RPS26: variants seen among roughly 807,000 people sequenced by gnomAD.
The protein encoded by RPS26 is small ribosomal subunit protein eS26.
Under a neutral mutation model 14.7 loss-of-function variants are expected in RPS26, and 1 was observed. The ratio of observed to expected loss-of-function variants is 0.07; its 90% CI spans 0.02 to 0.32. The LOEUF is 0.32. Among genes scored for constraint, RPS26 ranks in the 10% least tolerant of loss-of-function variants. RPS26 has a pLI of 1.00. For synonymous variants in RPS26, 59 were observed against 53.1 expected (o/e 1.11, Z -0.48); for missense variants, 63 against 157.7 (o/e 0.40, Z 3.22).
intron 3 of RPS26, 150 bp from the exon 4 acceptor site, chr12:56,043,969 A>G (rs536779283): frequency 6.3e-6 from 5 of 794,718 alleles, no homozygotes; most frequent in Non-Finnish European, 6.9e-6. Context: ...TAGGATGCAG[A>G]GTAGTGTTCT....
intron 3 of RPS26, 38 bp downstream of exon 3, chr12:56,043,531 G>A (rs1272800850): frequency 6.2e-7 from 1 of 1,612,334 alleles, no homozygotes; most frequent in African/African-American, 1.3e-5. Context: ...CCAGGGGAGT[G>A]ATGGTTAAAA....
chr12:56,043,472 C>T lies in RPS26; in HGVS notation c.291C>T (p.Pro97=), dbSNP rs766621663. The change falls in exon 3 of 4, where the codon CCC becomes CCT. Residue 97 remains proline (P), a synonymous_variant. Transcript: ENST00000646449. ...RSREARKDRT[P]PPRFRPAGAA... ...GTGAAGCCCGCAAGGACCGAACACCCCCACCCCGATTTAGACCTGCGGTGA... is the reference window on the plus strand; with the variant it reads ...GTGAAGCCCGCAAGGACCGAACACCTCCACCCCGATTTAGACCTGCGGTGA... 6.2e-6 allele frequency: 10 copies of T among 1,613,574 alleles called. No homozygotes were observed. The highest frequency in any genetic ancestry group is 4.4e-5 in the South Asian group (4 of 91,056).
At position 56,042,038 on chromosome 12, in the gene RPS26, T is replaced by G; in HGVS notation, c.-129T>G. On this transcript the variant is annotated 5_prime_UTR_variant, in exon 1 of 4. Coordinates refer to ENST00000646449, the MANE Select transcript of RPS26 (RefSeq NM_001029.5). ...GAAATGCTGAATGTAAAGGAATATT[T>G]GAGTAAAGTGAGTTGCCGTTCTTGA... is the stretch of plus-strand genomic sequence containing the variant. The G allele has an allele frequency of 1.1e-6, 1 of 915,004 alleles. No individual in the cohort carries two copies. Among genetic ancestry groups the G allele is most frequent in the South Asian group, 1.3e-5 (1 of 74,900 alleles). The allele number at this position is 915,004 out of a possible 1,614,324, so 56.7% of individuals were successfully genotyped here.
intron 3 of RPS26, 59 bp downstream of exon 3, chr12:56,043,552 G>A: frequency 6.3e-7 from 1 of 1,579,616 alleles, no homozygotes; most frequent in Non-Finnish European, 8.7e-7. Context: ...TTTCATCCTG[G>A]AGGGTCAGGG....
At position 56,042,103 on chromosome 12, in the gene RPS26, A is replaced by G; in HGVS notation, c.-64A>G. 1.4e-5 allele frequency: 21 copies of G among 1,544,270 alleles called. No homozygotes were observed. Among genetic ancestry groups the G allele is most frequent in the Non-Finnish European group, 1.8e-5 (20 of 1,116,164 alleles). On this transcript the variant is annotated 5_prime_UTR_variant, in exon 1 of 4. Coordinates refer to ENST00000646449, the MANE Select transcript of RPS26 (RefSeq NM_001029.5). Reference sequence around the variant, plus strand: ...GGATTCTCCCGGTGTCCGCGTAGGGATCTCATGCTATATAGGAGGGCCCTG... The same window carrying G: ...GGATTCTCCCGGTGTCCGCGTAGGGGTCTCATGCTATATAGGAGGGCCCTG...
intron 2 of RPS26, 64 bp from the exon 3 acceptor site, chr12:56,043,299 T>C: frequency 6.8e-7 from 1 of 1,470,730 alleles, no homozygotes; most frequent in Non-Finnish European, 9.5e-7. Flanking sequence ...GTGCTCTTCA[T>C]TCATGTAACA....
At chr12:56,042,287 G>T in intron 1 of RPS26, 118 bp downstream of exon 1, 1 of 1,524,702 alleles carries the variant, frequency 6.6e-7, no homozygotes, top group Non-Finnish European at 9.1e-7. Context: ...TTTGCTCTGG[G>T]GGTCGGCGGG....
At position 56,042,523 on chromosome 12, in the gene RPS26, G is replaced by A; in HGVS notation, c.102G>A (p.Lys34=). Residue 34 remains lysine, a synonymous_variant, in exon 2 of 4, where the codon AAG becomes AAA. Coordinates refer to ENST00000646449, the MANE Select transcript of RPS26 (RefSeq NM_001029.5). ...TNCARCVPKD[K]AIKKFVIRNI... is the part of the protein sequence containing the mutation. ...GTGCCCGATGCGTGCCCAAGGACAA[G>A]GCCATTAAGAAATTCGTCATTCGAA... 6.2e-7 allele frequency: 1 copy of A among 1,602,446 alleles called. No homozygotes were observed.
chr12:56,043,304 G>T, intron 2 of RPS26, 59 bp from the exon 3 acceptor site: 2 of 1,519,406 alleles, frequency 1.3e-6, no homozygotes, highest in Non-Finnish European at 9.1e-7. Context: ...CTTCATTCAT[G>T]TAACAAAAAA....
rs1593023851 is a variant in RPS26 at position 56,043,548 on chromosome 12, C to T, written c.312+55C>T. The T allele has an allele frequency of 4.4e-6, 7 of 1,594,110 alleles. No homozygotes were observed. The South Asian group carries it at 7.7e-5, about 18-fold the overall frequency. On this transcript the variant is annotated intron_variant, in intron 3 of 3. Coordinates refer to ENST00000646449, the MANE Select transcript of RPS26 (RefSeq NM_001029.5). ...AGGGGAGTGATGGTTAAAATTTCAT[C>T]CTGGAGGGTCAGGGTGTCCTATACC...
chr12:56,042,203 G>C, intron 1 of RPS26, 34 bp downstream of exon 1: 1 of 1,613,706 alleles, frequency 6.2e-7, no homozygotes, highest in Non-Finnish European at 8.5e-7. Context: ...GTGGGGGTTC[G>C]GGTGCAGACT....
rs144028746 is a variant in RPS26, at chr12:56,043,460, G to A, written c.279G>A (p.Lys93=). ...VVRNRSREAR[K]DRTPPPRFRP... is the part of the protein sequence containing the mutation. The stretch of plus-strand genomic sequence containing the variant: ...GGAATCGATCTCGTGAAGCCCGCAA[G>A]GACCGAACACCCCCACCCCGATTTA... Residue 93 remains lysine (K), a synonymous_variant, in exon 3 of 4, where the codon AAG becomes AAA. Transcript: ENST00000646449. The A allele has an allele frequency of 6.2e-7, 1 of 1,613,612 alleles. No individual in the cohort carries two copies. Among genetic ancestry groups the A allele is most frequent in the Non-Finnish European group, 8.5e-7 (1 of 1,179,838 alleles).
intron 3 of RPS26, among the ~76,000 whole-genome samples, chr12:56,043,852 T>C (rs1026553639): frequency 6.7e-6 from 1 of 149,730 alleles, no homozygotes; most frequent in African/African-American, 2.5e-5. Flanking sequence ...GTGCAGGGGG[T>C]ATCAAATTAA....
In RPS26 at chr12:56,042,067, C is replaced by G; in HGVS notation, c.-100C>G. On this transcript the variant is annotated 5_prime_UTR_variant, in exon 1 of 4. Coordinates refer to ENST00000646449, the MANE Select transcript of RPS26 (RefSeq NM_001029.5). ...TAAAGTGAGTTGCCGTTCTTGAAGC[C>G]CGTCTCCTAAGGATTCTCCCGGTGT... 1.6e-6 allele frequency: 2 copies of G among 1,246,890 alleles called. No individual in the cohort carries two copies. Among genetic ancestry groups the G allele is most frequent in the Non-Finnish European group, 2.4e-6 (2 of 845,840 alleles). The allele number at this position is 1,246,890 out of a possible 1,614,324, so 77.2% of individuals were successfully genotyped here.
At position 56,042,166 on chromosome 12, in the gene RPS26, G is replaced by C. The variant is rs370598918; in HGVS notation, c.-1G>C. On this transcript the variant is annotated 5_prime_UTR_variant, in exon 1 of 4. Transcript: ENST00000646449. ...TCCTCTCTCCGGTCCGTGCCTCCAA[G>C]ATGGTGAGTCTTCTTGCGTGGTGAG... 8 of 1,614,132 alleles carry C rather than the reference G, an allele frequency of 5.0e-6. No homozygotes were observed. The highest frequency in any genetic ancestry group is 4.5e-5 in the East Asian group (2 of 44,878).
chr12:56,043,205 G>T, intron 2 of RPS26, 158 bp from the exon 3 acceptor site: 1 of 682,446 alleles, frequency 1.5e-6, no homozygotes. Context: ...TCAGGTATTG[G>T]GCTGAACAGG....
chr12:56,044,359 T>TGGAGA lies in RPS26; in HGVS notation c.*205_*206insGGAGA. 1 of 427,066 alleles carries TGGAGA rather than the reference T, an allele frequency of 2.3e-6. No individual in the cohort carries two copies. The highest frequency in any genetic ancestry group is 4.0e-6 in the Non-Finnish European group (1 of 247,528). The allele number at this position is 427,066 out of a possible 1,614,324, so 26.5% of individuals were successfully genotyped here. On this transcript the variant is annotated 3_prime_UTR_variant, in exon 4 of 4. Coordinates refer to ENST00000646449, the MANE Select transcript of RPS26 (RefSeq NM_001029.5). ...TTAATTTTTTTCTTTTTTTTTTTTT[T>TGGAGA]TTTTTTGAGACGGAGTCTTTGTCGC... is the stretch of plus-strand genomic sequence containing the variant.
chr12:56,042,110 G>C lies in RPS26; in HGVS notation c.-57G>C. On this transcript the variant is annotated 5_prime_UTR_variant, in exon 1 of 4. It removes an upstream start codon present in the reference 5' UTR. Transcript: ENST00000646449. ...CCCGGTGTCCGCGTAGGGATCTCAT[G>C]CTATATAGGAGGGCCCTGCCAGGCA... 6.3e-7 allele frequency: 1 copy of C among 1,588,022 alleles called. No homozygotes were observed. Among genetic ancestry groups the C allele is most frequent in the Admixed American group, 1.7e-5 (1 of 59,956 alleles).
At chr12:56,042,393 G>A in intron 1 of RPS26, 32 bp from the exon 2 acceptor site, 1 of 1,611,994 alleles carries the variant, frequency 6.2e-7, no homozygotes, top group Admixed American at 1.7e-5. Flanking sequence ...GAGTTGCGCC[G>A]TTTTCCTAAC....
Sources: allele counts gnomAD v4.1 joint callset (sites outside exome capture counted in the v4.1 genomes callset), GRCh38; gene constraint gnomAD v4.1.1; transcripts MANE v1.5; gene names NCBI Gene and HGNC (gene_info 2026-07-23, HGNC 2026-07-21).